CTNNA2: variants seen among roughly 807,000 people sequenced by gnomAD.
The protein encoded by CTNNA2 is catenin alpha-2.
In CTNNA2, 42 loss-of-function variants were observed where a neutral mutation model predicts 101.0. The ratio of observed to expected loss-of-function variants is 0.42; its 90% CI spans 0.32 to 0.54. The LOEUF (loss-of-function observed/expected upper bound fraction) is 0.54. CTNNA2 is among the 20% of genes least tolerant of loss of function. The pLI is 0.14. For synonymous variants in CTNNA2, 450 were observed against 456.4 expected (o/e 0.99, Z 0.18); for missense variants, 871 against 1,223.1 (o/e 0.71, Z 4.29).
intron 18 of CTNNA2, among the ~76,000 whole-genome samples, chr2:80,638,654 A>T (rs1673123181): frequency 6.6e-6 from 1 of 152,210 alleles, no homozygotes; most frequent in East Asian, 1.9e-4. Context: ...GTGAGAAAAA[A>T]AATGGCTCTA....
rs557447160 is a variant in CTNNA2 at position 79,764,928 on chromosome 2, C to A, written c.298+20346C>A. On this transcript the variant is annotated intron_variant, in intron 3 of 18. Coordinates refer to ENST00000402739, the MANE Select transcript of CTNNA2 (RefSeq NM_001282597.3). ...AGATGTGGACCAAAACTTGAGCTGA[C>A]AACCGGGTAGGATTGCTTGGAATTC... Among the ~76,000 whole-genome samples the A allele has an allele frequency of 1.1e-4, 16 of 152,190 alleles. 1 individual carries two copies. The highest frequency in any genetic ancestry group is 3.9e-4 in the African/African-American group (16 of 41,508).
intron 2 of CTNNA2, among the ~76,000 whole-genome samples, chr2:79,689,874 G>T (rs1371275123): frequency 6.6e-6 from 1 of 151,952 alleles, no homozygotes; most frequent in East Asian, 1.9e-4. Context: ...GCTAAAGAAA[G>T]AATGTGTTAA....
intron 16 of CTNNA2, among the ~76,000 whole-genome samples, chr2:80,604,425 T>TA (rs2149775880): frequency 6.6e-6 from 1 of 151,934 alleles, no homozygotes; most frequent in South Asian, 2.1e-4. Context: ...AACATACTAC[T>TA]TAGGAGACAT....
chr2:79,959,598 T>C (rs1389855262), intron 7 of CTNNA2, among the ~76,000 whole-genome samples: 6 of 152,182 alleles, frequency 3.9e-5, no homozygotes, highest in Non-Finnish European at 8.8e-5. Flanking sequence ...ACTTCATGTA[T>C]TAGTGGTCAT....
chr2:79,341,151 C>T (rs1425120479), intron 3 of CTNNA2, among the ~76,000 whole-genome samples: 1 of 152,032 alleles, frequency 6.6e-6, no homozygotes, highest in Non-Finnish European at 1.5e-5. Context: ...GAGTTAGGAA[C>T]CCAACTCAGC....
rs544619548 is a variant in CTNNA2, at chr2:79,645,530, A to G, written c.-5-6022A>G. On this transcript the variant is annotated intron_variant, in intron 1 of 18. Coordinates refer to ENST00000402739, the MANE Select transcript of CTNNA2 (RefSeq NM_001282597.3). ...GAAAAAAGCAATTCAGGGTTTTCAG[A>G]CTTGATTCTTGAAATGCTGAAGAAA... Among the ~76,000 whole-genome samples the G allele has an allele frequency of 5.3e-5, 8 of 152,280 alleles. No homozygotes were observed. In the South Asian group the frequency reaches 1.5e-3, roughly 28 times the overall value.
At chr2:80,609,296 G>A (rs1372312574) in intron 17 of CTNNA2, among the ~76,000 whole-genome samples, 3 of 151,726 alleles carry the variant, frequency 2.0e-5, no homozygotes, top group Non-Finnish European at 4.4e-5. Flanking sequence ...GTAAAAACAC[G>A]TGAACAAATC....
chr2:80,606,422 A>G (rs1698031992), intron 16 of CTNNA2, among the ~76,000 whole-genome samples: 1 of 148,158 alleles, frequency 6.7e-6, no homozygotes. Flanking sequence ...ACCCCCCAGG[A>G]TACATTTATT....
At chr2:80,600,853 G>A (rs1159950598) in intron 15 of CTNNA2, among the ~76,000 whole-genome samples, 2 of 152,134 alleles carry the variant, frequency 1.3e-5, no homozygotes, top group Non-Finnish European at 2.9e-5. Flanking sequence ...GATTACAGGT[G>A]TGAGGCACCT....
At chr2:79,752,043 A>C (rs1426893945) in intron 3 of CTNNA2, among the ~76,000 whole-genome samples, 4 of 152,160 alleles carry the variant, frequency 2.6e-5, no homozygotes, top group Non-Finnish European at 5.9e-5. Flanking sequence ...GGAAGTCTTT[A>C]GGAGTGACAG....
intron 7 of CTNNA2, among the ~76,000 whole-genome samples, chr2:80,121,199 T>G (rs1701813045): frequency 1.3e-5 from 2 of 152,130 alleles, no homozygotes; most frequent in Admixed American, 6.5e-5. Context: ...AGTCAACAGA[T>G]TAGATTATAA....
At chr2:79,600,069 C>T (rs549749794) in intron 1 of CTNNA2, among the ~76,000 whole-genome samples, 4 of 152,196 alleles carry the variant, frequency 2.6e-5, no homozygotes, top group African/African-American at 4.8e-5. Flanking sequence ...GCAAATTAAG[C>T]GCTAATTACG....
chr2:79,404,847 G>T (rs958001880), intron 4 of CTNNA2, among the ~76,000 whole-genome samples: 7 of 151,952 alleles, frequency 4.6e-5, no homozygotes, highest in African/African-American at 1.7e-4. Context: ...CTGCCCCCTA[G>T]TATCCCCTAC....
At chr2:80,389,433 T>G (rs1677302484) in intron 7 of CTNNA2, among the ~76,000 whole-genome samples, 1 of 152,016 alleles carries the variant, frequency 6.6e-6, no homozygotes, top group Admixed American at 6.6e-5. Context: ...CTCCTCACTA[T>G]CCCCCATTGC....
At chr2:79,633,115 G>A (rs1679804239) in intron 1 of CTNNA2, among the ~76,000 whole-genome samples, 1 of 152,162 alleles carries the variant, frequency 6.6e-6, no homozygotes, top group Non-Finnish European at 1.5e-5. Context: ...AGTTAGGAGG[G>A]TTTGGGGCTG....
At chr2:79,475,180 T>C (rs1671038224) in intron 4 of CTNNA2, among the ~76,000 whole-genome samples, 1 of 152,118 alleles carries the variant, frequency 6.6e-6, no homozygotes, top group Non-Finnish European at 1.5e-5. Context: ...TTGTAATCTT[T>C]TCTTCAGTTT....
chr2:80,165,014 A>C (rs1704581582), intron 7 of CTNNA2, among the ~76,000 whole-genome samples: 1 of 142,842 alleles, frequency 7.0e-6, no homozygotes. Flanking sequence ...GGTGTGCCTT[A>C]ATAGGGATTT....
chr2:80,180,801 A>T (rs1705730143), intron 7 of CTNNA2, among the ~76,000 whole-genome samples: 1 of 152,164 alleles, frequency 6.6e-6, no homozygotes, highest in African/African-American at 2.4e-5. Context: ...CTTCCTCTAC[A>T]TTAAACCAAT....
At chr2:80,234,543 T>G (rs1709440562) in intron 7 of CTNNA2, among the ~76,000 whole-genome samples, 1 of 152,170 alleles carries the variant, frequency 6.6e-6, no homozygotes, top group Non-Finnish European at 1.5e-5. Context: ...ATCTTGTCAT[T>G]TTGAATGCTG....
Sources: allele counts gnomAD v4.1 joint callset (sites outside exome capture counted in the v4.1 genomes callset), GRCh38; gene constraint gnomAD v4.1.1; transcripts MANE v1.5; gene names NCBI Gene and HGNC (gene_info 2026-07-23, HGNC 2026-07-21).